Variants in SLC1A1 observed in about 807,000 individuals in gnomAD.
SLC1A1 encodes the protein excitatory amino acid transporter 3.
In SLC1A1, 43 loss-of-function variants were observed where a neutral mutation model predicts 53.3. The observed-to-expected ratio is 0.81, with a 90% confidence interval of 0.63 to 1.04. The LOEUF (loss-of-function observed/expected upper bound fraction) is 1.04. Among genes scored for constraint, SLC1A1 ranks in the 50% least tolerant of loss-of-function variants. The pLI is 0.00. For synonymous variants in SLC1A1, 307 were observed against 243.2 expected, an observed-to-expected ratio of 1.26 and a Z score of -2.44; for missense variants, 748 against 664.9, an observed-to-expected ratio of 1.12 and a Z score of -1.37.
At chr9:4,562,998 T>G (rs1819113155) in intron 3 of SLC1A1, among the ~76,000 whole-genome samples, 1 of 148,216 alleles carries the variant, frequency 6.7e-6, no homozygotes, top group Non-Finnish European at 1.5e-5. Context: ...GGGATAGCAT[T>G]GGGAGATATA....
intron 1 of SLC1A1, among the ~76,000 whole-genome samples, chr9:4,516,541 T>C (rs1327540475): frequency 6.6e-6 from 1 of 152,176 alleles, no homozygotes; most frequent in Non-Finnish European, 1.5e-5. Context: ...TTCTCTTGCC[T>C]TCAATCTATC....
In SLC1A1 at chr9:4,583,891, C is replaced by T. The variant is rs1384398769; in HGVS notation, c.1328+719C>T. Among the ~76,000 whole-genome samples the T allele has an allele frequency of 6.8e-6, 1 of 147,368 alleles. No individual in the cohort carries two copies. The highest frequency in any genetic ancestry group is 1.5e-5 in the Non-Finnish European group (1 of 65,562). On this transcript the variant is annotated intron_variant, in intron 11 of 11. Transcript: ENST00000262352. The surrounding 1 kb of genome is among the most constrained non-coding windows in gnomAD (Gnocchi z 4.6). ...TCTCTCTCTCTCTCTCTCACACACA[C>T]ACACACACACACACACACACATATG...
At chr9:4,498,467 A>C (rs1436341092) in intron 1 of SLC1A1, among the ~76,000 whole-genome samples, 1 of 152,190 alleles carries the variant, frequency 6.6e-6, no homozygotes, top group Non-Finnish European at 1.5e-5. Flanking sequence ...CTTCAAAATG[A>C]CAGGAATAGC....
chr9:4,532,414 A>C (rs1288847170), intron 1 of SLC1A1, among the ~76,000 whole-genome samples: 2 of 152,202 alleles, frequency 1.3e-5, no homozygotes, highest in African/African-American at 4.8e-5. Flanking sequence ...TACGTGACAA[A>C]TGCACAAGCC....
chr9:4,551,768 C>G (rs1452922110), intron 2 of SLC1A1, among the ~76,000 whole-genome samples: 1 of 152,144 alleles, frequency 6.6e-6, no homozygotes, highest in Non-Finnish European at 1.5e-5. Context: ...ACATCTGGAA[C>G]CAGTGGGCTC....
intron 3 of SLC1A1, among the ~76,000 whole-genome samples, chr9:4,563,548 G>C (rs183172131): frequency 9.2e-5 from 14 of 152,246 alleles, no homozygotes; most frequent in African/African-American, 3.4e-4. Context: ...CTACCCCCTG[G>C]ATTACCATTG....
chr9:4,576,703 C>A lies in SLC1A1; in HGVS notation c.1133C>A (p.Ala378Glu). Reference protein sequence around the residue: ...DGTALYEAVAAVFIAQLNDLD... With the variant: ...DGTALYEAVAEVFIAQLNDLD... ...ACTGCGCTCTATGAAGCAGTGGCAG[C>A]GGTGTTTATTGCACAGTTGAATGAC... Residue 378 changes from alanine (A) to glutamate (E), a missense_variant, in exon 10 of 12, where the codon GCG (alanine) becomes GAG (glutamate). Ala to Glu is a moderately radical substitution (Grantham distance 107, BLOSUM62 -1). Transcript: ENST00000262352. 2 of 1,614,172 alleles carry A rather than the reference C, an allele frequency of 1.2e-6. No homozygotes were observed. Among genetic ancestry groups the A allele is most frequent in the South Asian group, 2.2e-5 (2 of 91,080 alleles).
chr9:4,586,538 G>T lies in SLC1A1; in HGVS notation c.*980G>T, dbSNP rs1035559360. On this transcript the variant is annotated 3_prime_UTR_variant, in exon 12 of 12. Transcript: ENST00000262352. ...GGGAATCCATATCAGCTCTGCATAA[G>T]ATTATATACAAAGCTGTCACTCACA... 1 of 152,132 alleles carries T rather than the reference G, an allele frequency of 6.6e-6. No individual in the cohort carries two copies. Among genetic ancestry groups the T allele is most frequent in the Non-Finnish European group, 1.5e-5 (1 of 68,036 alleles). The allele number at this position is 152,132 out of a possible 1,614,324, so 9.4% of individuals were successfully genotyped here.
chr9:4,522,887 G>T (rs1183793578), intron 1 of SLC1A1, among the ~76,000 whole-genome samples: 1 of 152,162 alleles, frequency 6.6e-6, no homozygotes, highest in Admixed American at 6.5e-5. Context: ...TACAATTCAA[G>T]ATGAGATTTG....
intron 1 of SLC1A1, among the ~76,000 whole-genome samples, chr9:4,540,345 G>A (rs905281104): frequency 2.0e-5 from 3 of 152,134 alleles, no homozygotes; most frequent in African/African-American, 4.8e-5. Context: ...GATTATTCCT[G>A]GACACCAAAC....
At chr9:4,492,832 T>A (rs1022715782) in intron 1 of SLC1A1, among the ~76,000 whole-genome samples, 1 of 152,034 alleles carries the variant, frequency 6.6e-6, no homozygotes. Context: ...AGGATAAACA[T>A]TGGCTTGAGT....
chr9:4,503,237 C>G (rs1275249958), intron 1 of SLC1A1, among the ~76,000 whole-genome samples: 2 of 151,760 alleles, frequency 1.3e-5, no homozygotes, highest in African/African-American at 4.9e-5. Context: ...TCAGAATCCT[C>G]GAAACTTTGC....
rs114936562 is a variant in SLC1A1 at position 4,505,435 on chromosome 9, A to G, written c.91+14665A>G. The stretch of plus-strand genomic sequence containing the variant: ...ACAGAACAGTTTGTCCTGACCACAC[A>G]TAAGTTACCAGTATAATGTTTTATG... On this transcript the variant is annotated intron_variant, in intron 1 of 11. Coordinates refer to ENST00000262352, the MANE Select transcript of SLC1A1 (RefSeq NM_004170.6). Among the ~76,000 whole-genome samples, 1,122 of 152,268 alleles carry G rather than the reference A, an allele frequency of 7.4e-3. 25 individuals are homozygous for G. The highest frequency in any genetic ancestry group is 0.026 in the African/African-American group (1,072 of 41,536).
intron 1 of SLC1A1, among the ~76,000 whole-genome samples, chr9:4,530,838 C>A (rs1816441039): frequency 6.6e-6 from 1 of 152,166 alleles, no homozygotes; most frequent in Admixed American, 6.5e-5. Flanking sequence ...TAACATACTA[C>A]AAAGAATGTG....
At chr9:4,569,619 T>C (rs1379907489) in intron 6 of SLC1A1, among the ~76,000 whole-genome samples, 1 of 152,204 alleles carries the variant, frequency 6.6e-6, no homozygotes, top group East Asian at 1.9e-4. Context: ...GGAGTGTTCA[T>C]TAGACTTAAG....
At chr9:4,500,808 C>T (rs1051740175) in intron 1 of SLC1A1, among the ~76,000 whole-genome samples, 3 of 152,138 alleles carry the variant, frequency 2.0e-5, no homozygotes, top group South Asian at 2.1e-4. Flanking sequence ...CTGCCTGTTC[C>T]GTTACCAAAG....
intron 3 of SLC1A1, among the ~76,000 whole-genome samples, chr9:4,563,956 C>T (rs1225390681): frequency 6.6e-6 from 1 of 152,168 alleles, no homozygotes; most frequent in African/African-American, 2.4e-5. Flanking sequence ...CAGATGCATT[C>T]TCTGGGCTAG....
chr9:4,524,110 T>C (rs548058912), intron 1 of SLC1A1, among the ~76,000 whole-genome samples: 5 of 152,368 alleles, frequency 3.3e-5, no homozygotes, highest in South Asian at 4.1e-4. Context: ...CTGTAAATGA[T>C]TGTTGGCTAA....
In SLC1A1 at chr9:4,583,880, T is replaced by TCACACACA; in HGVS notation, c.1328+709_1328+710insACACACAC. Reference sequence around the variant, plus strand: ...CTCTCTCTCTCTCTCTCTCTCTCTCTCTCACACACACACACACACACACAC... The same window carrying TCACACACA: ...CTCTCTCTCTCTCTCTCTCTCTCTCTCACACACACTCACACACACACACACACACACAC... On this transcript the variant is annotated intron_variant, in intron 11 of 11. Transcript: ENST00000262352. The surrounding 1 kb of genome is among the most constrained non-coding windows in gnomAD (Gnocchi z 4.6). 7.6e-6 allele frequency among the ~76,000 whole-genome samples: 1 copy of TCACACACA among 131,730 alleles called. No homozygotes were observed. Among genetic ancestry groups the TCACACACA allele is most frequent in the African/African-American group, 3.3e-5 (1 of 30,042 alleles). The allele number at this position is 131,730 out of a possible 152,430, so 86.4% of individuals were successfully genotyped here.
Sources: gnomAD v4.1 joint callset for allele counts (sites outside exome capture counted in the v4.1 genomes callset) on GRCh38, gnomAD v4.1.1 for gene constraint, Gnocchi (gnomAD v3.1) non-coding constraint, MANE v1.5 for transcripts, NCBI Gene and HGNC (gene_info 2026-07-23, HGNC 2026-07-21) for gene names.